Variants in TRAPPC9 observed in about 807,000 individuals in gnomAD.
TRAPPC9 encodes trafficking protein particle complex subunit 9.
Under a neutral mutation model 124.0 loss-of-function variants are expected in TRAPPC9, and 83 were observed. The observed-to-expected ratio is 0.67, with a 90% CI of 0.56 to 0.80. The LOEUF (loss-of-function observed/expected upper bound fraction) is 0.80, where lower values mean the gene tolerates loss of function less well. Ranked by LOEUF, TRAPPC9 falls within the 30% of genes least tolerant of loss-of-function variation. The pLI is 0.00. For missense variants in TRAPPC9, 1,302 were observed against 1,508.3 expected (o/e 0.86, Z 2.27); for synonymous variants, 638 against 617.5 (o/e 1.03, Z -0.49).
Position 140,131,727 on chromosome 8 carries a change from G to A in TRAPPC9, c.2556+89732C>T, listed in dbSNP as rs528697647. On this transcript the variant is annotated intron_variant, in intron 17 of 22. Coordinates refer to ENST00000438773, the MANE Select transcript of TRAPPC9 (RefSeq NM_001160372.4). ...GGGAACAAAGGCTTGAGGGCGAGTC[G>A]CCTGGTGGTCCTCTCCATCCAGACA... is the stretch of plus-strand genomic sequence containing the variant. Among the ~76,000 whole-genome samples, 7 of 152,316 alleles carry A rather than the reference G, an allele frequency of 4.6e-5. No homozygotes were observed. In the South Asian group the frequency reaches 6.2e-4, roughly 14 times the overall value.
At chr8:140,003,968 G>T (rs945829577) in intron 18 of TRAPPC9, among the ~76,000 whole-genome samples, 5 of 152,208 alleles carry the variant, frequency 3.3e-5, no homozygotes, top group Non-Finnish European at 7.3e-5. Flanking sequence ...ACAGTGAATG[G>T]ATCCACAGGC....
At chr8:140,442,464 T>C (rs1188844770) in intron 2 of TRAPPC9, among the ~76,000 whole-genome samples, 1 of 151,642 alleles carries the variant, frequency 6.6e-6, no homozygotes, top group African/African-American at 2.4e-5. Flanking sequence ...CCGGGCGTGG[T>C]GGCAGGCGCC....
intron 2 of TRAPPC9, among the ~76,000 whole-genome samples, chr8:140,439,555 A>G (rs936844684): frequency 1.3e-5 from 2 of 152,218 alleles, no homozygotes; most frequent in African/African-American, 2.4e-5. Flanking sequence ...TCCACTTCTT[A>G]ACATCAAACC....
intron 9 of TRAPPC9, among the ~76,000 whole-genome samples, chr8:140,359,595 G>A (rs933395155): frequency 6.6e-6 from 1 of 152,168 alleles, no homozygotes; most frequent in African/African-American, 2.4e-5. Flanking sequence ...GAGGGGCCCT[G>A]GGTTCTGTTC....
chr8:140,443,394 C>T (rs1156462112), intron 2 of TRAPPC9, among the ~76,000 whole-genome samples: 2 of 151,488 alleles, frequency 1.3e-5, no homozygotes, highest in East Asian at 1.9e-4. Flanking sequence ...CAAGATCGCG[C>T]CACTGCACTC....
At chr8:139,733,873 G>A (rs1463675157) in intron 21 of TRAPPC9, among the ~76,000 whole-genome samples, 1 of 152,236 alleles carries the variant, frequency 6.6e-6, no homozygotes, top group Non-Finnish European at 1.5e-5. Context: ...GCAGCCTGGA[G>A]AGGAAGGTCC....
chr8:139,917,916 C>T (rs1402311834), intron 19 of TRAPPC9, among the ~76,000 whole-genome samples: 1 of 152,222 alleles, frequency 6.6e-6, no homozygotes, highest in East Asian at 1.9e-4. Flanking sequence ...CCACAGCCAG[C>T]TGTGGCCCAT....
At chr8:140,454,288 CA>C (rs1298061051) in intron 1 of TRAPPC9, among the ~76,000 whole-genome samples, 2 of 150,236 alleles carry the variant, frequency 1.3e-5, no homozygotes, top group African/African-American at 4.9e-5. Context: ...GACTCCATCT[CA>C]AAAAAATTAA....
At chr8:140,088,159 T>G (rs1374304666) in intron 17 of TRAPPC9, among the ~76,000 whole-genome samples, 1 of 152,154 alleles carries the variant, frequency 6.6e-6, no homozygotes, top group Non-Finnish European at 1.5e-5. Flanking sequence ...AGAAGCTATT[T>G]GATTTATTTG....
chr8:139,900,892 T>G (rs1427662969), intron 20 of TRAPPC9, among the ~76,000 whole-genome samples: 1 of 151,890 alleles, frequency 6.6e-6, no homozygotes, highest in African/African-American at 2.4e-5. Context: ...ACTCTGCCCC[T>G]GGGAAACATG....
intron 19 of TRAPPC9, among the ~76,000 whole-genome samples, chr8:139,925,809 GCACACGCACACGCACACGCACA>G (rs896521455): frequency 9.2e-5 from 8 of 86,796 alleles, no homozygotes; most frequent in African/African-American, 5.1e-4. Flanking sequence ...CCCAGCACAC[GCACACGCACACGCACACGCACA>G]CACACACACA....
At chr8:139,830,977 T>C (rs763565972) in intron 21 of TRAPPC9, among the ~76,000 whole-genome samples, 1 of 152,264 alleles carries the variant, frequency 6.6e-6, no homozygotes, top group African/African-American at 2.4e-5. Flanking sequence ...ACATTTACCC[T>C]GCACACAGCC....
chr8:140,127,224 C>A (rs1234676534), intron 17 of TRAPPC9, among the ~76,000 whole-genome samples: 2 of 152,188 alleles, frequency 1.3e-5, no homozygotes, highest in Non-Finnish European at 1.5e-5. Flanking sequence ...AAACAAGGAT[C>A]TGGATAGAAG....
rs1451616281 is a variant in TRAPPC9 at position 140,353,666 on chromosome 8, GC to G, written c.1495+6383del. ...GCCGCGGGCCAGACCTGGTCCATAG[GC>G]CACGGTTTGCCAAACCCTGCTCAAA... is the stretch of plus-strand genomic sequence containing the variant. On this transcript the variant is annotated intron_variant, in intron 9 of 22. Transcript: ENST00000438773. The surrounding 1 kb of genome is among the most constrained non-coding windows in gnomAD (Gnocchi z 4.2). 6.6e-6 allele frequency among the ~76,000 whole-genome samples: 1 copy of G among 152,192 alleles called. No individual in the cohort carries two copies. The highest frequency in any genetic ancestry group is 6.5e-5 in the Admixed American group (1 of 15,278).
At chr8:139,890,816 T>C (rs939493662) in intron 20 of TRAPPC9, among the ~76,000 whole-genome samples, 1 of 151,724 alleles carries the variant, frequency 6.6e-6, no homozygotes, top group African/African-American at 2.4e-5. Flanking sequence ...CTGCACAATG[T>C]GCACATGTAC....
intron 12 of TRAPPC9, among the ~76,000 whole-genome samples, chr8:140,288,523 G>A (rs147944776): frequency 2.6e-5 from 4 of 152,312 alleles, no homozygotes; most frequent in Middle Eastern, 3.4e-3. Context: ...GTACAGGTAT[G>A]TCAGCCCTCA....
chr8:139,798,138 G>A (rs574586143), intron 21 of TRAPPC9, among the ~76,000 whole-genome samples: 7 of 152,268 alleles, frequency 4.6e-5, no homozygotes, highest in African/African-American at 1.7e-4. Context: ...CATGAACACA[G>A]GGTGTCTATT....
chr8:139,819,794 A>G (rs1012438565), intron 21 of TRAPPC9, among the ~76,000 whole-genome samples: 5 of 152,050 alleles, frequency 3.3e-5, no homozygotes, highest in African/African-American at 1.2e-4. Flanking sequence ...TGGGTGGATC[A>G]TGAGGTCAGG....
At chr8:139,858,826 G>T (rs191799651) in intron 21 of TRAPPC9, among the ~76,000 whole-genome samples, 35 of 150,374 alleles carry the variant, frequency 2.3e-4, no homozygotes, top group African/African-American at 7.5e-4. Flanking sequence ...GTGAATCCGG[G>T]GGGGGCACAG....
Sources: gnomAD v4.1 joint callset for allele counts (sites outside exome capture counted in the v4.1 genomes callset) on GRCh38, gnomAD v4.1.1 for gene constraint, Gnocchi (gnomAD v3.1) non-coding constraint, MANE v1.5 for transcripts, NCBI Gene and HGNC (gene_info 2026-07-23, HGNC 2026-07-21) for gene names.